Variants in STXBP2 observed in about 807,000 individuals in gnomAD.
STXBP2 encodes syntaxin binding protein 2, also known as syntaxin-binding protein 2.
STXBP2 carries 47 observed loss-of-function variants against 72.2 expected under a neutral mutation model. The observed-to-expected ratio is 0.65, with a 90% CI of 0.51 to 0.83. The LOEUF is 0.83. STXBP2 is among the 40% of genes least tolerant of loss of function. STXBP2 has a pLI of 0.00. For missense variants in STXBP2, 702 were observed against 807.6 expected, an observed-to-expected ratio of 0.87 and a Z score of 1.58; for synonymous variants, 367 against 338.7, an observed-to-expected ratio of 1.08 and a Z score of -0.92.
chr19:7,641,302 C>G (rs535038025), intron 6 of STXBP2: 22 of 501,424 alleles, frequency 4.4e-5, no homozygotes, highest in Admixed American at 2.9e-4. Flanking sequence ...CCCGGGAGGT[C>G]GAGGCTGCAG....
rs774496730 is a variant in STXBP2 at position 7,647,827 on chromosome 19, C to T, written c.*17C>T. On this transcript the variant is annotated 3_prime_UTR_variant, in exon 19 of 19. Transcript: ENST00000221283. Reference sequence around the variant, plus strand: ...CTGCCCTGACCCCTGGCCCCGCCCCCTACCCCTCCCTTTCCAGAGAAATAA... The same window carrying T: ...CTGCCCTGACCCCTGGCCCCGCCCCTTACCCCTCCCTTTCCAGAGAAATAA... 19 of 1,597,308 alleles carry T rather than the reference C, an allele frequency of 1.2e-5. No homozygotes were observed. In the African/African-American group the frequency reaches 2.3e-4, roughly 19 times the overall value.
upstream of STXBP2, among the ~76,000 whole-genome samples, chr19:7,635,571 C>T (rs950897221): frequency 1.1e-4 from 17 of 152,150 alleles, 1 homozygote; most frequent in African/African-American, 4.1e-4. Flanking sequence ...TGGCGTGCAC[C>T]TGTAGTCCCA....
At chr19:7,632,500 C>T (rs1555767083), upstream of STXBP2, 23 of 1,613,364 alleles carry the variant, frequency 1.4e-5, no homozygotes, top group South Asian at 4.4e-5. The surrounding 1 kb of genome is among the most constrained non-coding windows in gnomAD (Gnocchi z 5.2). Flanking sequence ...CTGTCCATCT[C>T]GGGGGTGGGG....
At chr19:7,645,900 T>C in intron 15 of STXBP2, 1 of 397,080 alleles carries the variant, frequency 2.5e-6, no homozygotes, top group Non-Finnish European at 4.6e-6. Flanking sequence ...CCCCTCTCCG[T>C]CCCCCTTCTG....
chr19:7,635,825 CTG>C (rs55796710), upstream of STXBP2, among the ~76,000 whole-genome samples: 1,368 of 152,328 alleles, frequency 9.0e-3, 5 homozygotes, highest in Middle Eastern at 0.031. Flanking sequence ...TTGCCTGTGA[CTG>C]TCCTATTTTT....
At chr19:7,637,081 G>A, upstream of STXBP2, 3 of 1,231,382 alleles carry the variant, frequency 2.4e-6, no homozygotes, top group Non-Finnish European at 3.0e-6. Context: ...GGTCCACGTG[G>A]GTGACGCGCG....
chr19:7,641,818 C>T lies in STXBP2; in HGVS notation c.543C>T (p.Ala181=), dbSNP rs2146216136. ...CCCAGCAGATTGCCACGCTGTGCGC[C>T]ACCCTGCAGGAGTACCCGGCCATCC... ...VLAQQIATLC[A]TLQEYPAIRY... is the part of the protein sequence containing the mutation. The change falls in exon 7 of 19, where the codon GCC becomes GCT. Residue 181 remains alanine (A), a synonymous_variant. Coordinates refer to ENST00000221283, the MANE Select transcript of STXBP2 (RefSeq NM_006949.4). 14 of 1,552,328 alleles carry T rather than the reference C, an allele frequency of 9.0e-6. No individual in the cohort carries two copies. Among genetic ancestry groups the T allele is most frequent in the Non-Finnish European group, 1.2e-5 (14 of 1,148,310 alleles).
chr19:7,636,944 G>A, upstream of STXBP2: 1 of 431,910 alleles, frequency 2.3e-6, no homozygotes, highest in Non-Finnish European at 3.9e-6. Context: ...CAGCGACTTC[G>A]TGCTCGGCAG....
chr19:7,643,947 A>C (rs1410990099), intron 13 of STXBP2, among the ~76,000 whole-genome samples: 2 of 105,140 alleles, frequency 1.9e-5, no homozygotes, highest in Non-Finnish European at 3.8e-5. Flanking sequence ...AGGTAGAGCC[A>C]TGGAGAGGTG....
chr19:7,631,612 TC>T, the STXBP2 span: 2 of 1,470,492 alleles, frequency 1.4e-6, no homozygotes, highest in South Asian at 2.6e-5. Context: ...TATACTCAGT[TC>T]CTTGTTATTC....
chr19:7,645,054 A>G, intron 14 of STXBP2, 143 bp from the exon 15 acceptor site: 2 of 1,450,792 alleles, frequency 1.4e-6, no homozygotes, highest in South Asian at 1.3e-5. Context: ...ACTCTTGCTC[A>G]CACTAGCACA....
upstream of STXBP2, chr19:7,632,818 C>T: frequency 6.4e-7 from 1 of 1,553,022 alleles, no homozygotes; most frequent in Non-Finnish European, 8.7e-7. The surrounding 1 kb of genome is among the most constrained non-coding windows in gnomAD (Gnocchi z 5.2). Flanking sequence ...CCCTCCTGGT[C>T]TGGGGAGCCC....
At chr19:7,644,433 G>A in intron 13 of STXBP2, 181 bp from the exon 14 acceptor site, 2 of 752,430 alleles carry the variant, frequency 2.7e-6, no homozygotes, top group South Asian at 3.5e-5. Context: ...CCTGGGTGAG[G>A]AGCAGGGCCT....
chr19:7,641,609 G>T lies in STXBP2; in HGVS notation c.430-96G>T, dbSNP rs913270399. Reference sequence around the variant, plus strand: ...GGCAAAGCAGGCTTCAGGGACCAGGGACGGCTCCCAGGAGGTGCAGGTGGC... The same window carrying T: ...GGCAAAGCAGGCTTCAGGGACCAGGTACGGCTCCCAGGAGGTGCAGGTGGC... On this transcript the variant is annotated intron_variant, in intron 6 of 18. Transcript: ENST00000221283. 69 of 1,518,666 alleles carry T rather than the reference G, an allele frequency of 4.5e-5. No individual in the cohort carries two copies. In the South Asian group the frequency reaches 7.9e-4, roughly 17 times the overall value. 94.1% of individuals were successfully genotyped at this position (1,518,666 alleles called of 1,614,324 possible).
Position 7,640,847 on chromosome 19 carries a change from A to G in STXBP2, c.325+38A>G, listed in dbSNP as rs115281529. The G allele has an allele frequency of 1.9e-3, 3,114 of 1,613,978 alleles. 45 individuals carry two copies. In the African/African-American group the frequency reaches 0.032, roughly 17 times the overall value. On this transcript the variant is annotated intron_variant, in intron 5 of 18. Transcript: ENST00000221283. The stretch of plus-strand genomic sequence containing the variant: ...AGCCTAGGGTGTTGGTGGGTGGGGC[A>G]AGGAGGTGTGGGGGCTGCTCTGGCC...
chr19:7,634,982 A>G (rs745594957), upstream of STXBP2, among the ~76,000 whole-genome samples: 2 of 152,224 alleles, frequency 1.3e-5, no homozygotes, highest in Non-Finnish European at 1.5e-5. Context: ...GACACCAGTG[A>G]TATTGCATTA....
intron 6 of STXBP2, 190 bp downstream of exon 6, chr19:7,641,193 G>A (rs766335696): frequency 1.4e-4 from 97 of 677,624 alleles, no homozygotes; most frequent in African/African-American, 1.4e-3. Flanking sequence ...GCAAGACCCC[G>A]TCTCTTAAAA....
At chr19:7,631,399 C>CGGGGGGGG in the STXBP2 span, 4 of 583,152 alleles carry the variant, frequency 6.9e-6, no homozygotes, top group Non-Finnish European at 7.3e-6. Flanking sequence ...GAGAGGTGGG[C>CGGGGGGGG]GGGGGGGGGT....
chr19:7,638,092 C>T (rs529786602), intron 1 of STXBP2, among the ~76,000 whole-genome samples: 5 of 152,284 alleles, frequency 3.3e-5, no homozygotes, highest in South Asian at 2.1e-4. Flanking sequence ...GTGGGGAAGC[C>T]GAGAGCCTGG....
Sources: allele counts gnomAD v4.1 joint callset (sites outside exome capture counted in the v4.1 genomes callset), GRCh38; gene constraint gnomAD v4.1.1; non-coding constraint Gnocchi (gnomAD v3.1); transcripts MANE v1.5; gene names NCBI Gene and HGNC (gene_info 2026-07-23, HGNC 2026-07-21).